ROBO1: variants seen among roughly 807,000 people sequenced by gnomAD.
The protein encoded by ROBO1 is roundabout homolog 1.
In ROBO1, 149 loss-of-function variants were observed where a neutral mutation model predicts 195.9. The ratio of observed to expected loss-of-function variants is 0.76; its 90% CI spans 0.67 to 0.87. ROBO1 has a LOEUF of 0.87. Among genes scored for constraint, ROBO1 ranks in the 40% least tolerant of loss-of-function variants. ROBO1 has a pLI of 0.00. For synonymous variants in ROBO1, 816 were observed against 733.2 expected, an observed-to-expected ratio of 1.11 and a Z score of -1.82; for missense variants, 1,933 against 2,068.3, an observed-to-expected ratio of 0.93 and a Z score of 1.27.
intron 8 of ROBO1, among the ~76,000 whole-genome samples, chr3:78,705,000 T>C (rs567172172): frequency 3.3e-5 from 5 of 152,358 alleles, no homozygotes; most frequent in Non-Finnish European, 7.3e-5. Flanking sequence ...TTAAATTATA[T>C]TGAAGTTATT....
At chr3:79,482,104 A>T (rs540814233) in intron 2 of ROBO1, among the ~76,000 whole-genome samples, 1 of 152,270 alleles carries the variant, frequency 6.6e-6, no homozygotes, top group East Asian at 1.9e-4. Context: ...CGTCTCGTGT[A>T]CTTTGTAAGG....
chr3:79,426,045 A>G (rs915758587), intron 2 of ROBO1, among the ~76,000 whole-genome samples: 13 of 152,182 alleles, frequency 8.5e-5, no homozygotes, highest in Admixed American at 3.3e-4. Context: ...GCATTTTTTT[A>G]GTATCCAGAA....
intron 4 of ROBO1, among the ~76,000 whole-genome samples, chr3:78,920,854 A>C (rs1479659741): frequency 1.3e-5 from 2 of 151,054 alleles, no homozygotes; most frequent in Non-Finnish European, 2.9e-5. Flanking sequence ...ATTTTACTTT[A>C]TTTTTGCAGA....
In ROBO1 at chr3:78,651,820, C is replaced by G; in HGVS notation, c.2724G>C (p.Trp908Cys). The change falls in exon 19 of 31, where the codon TGG (tryptophan) becomes TGC (cysteine). Residue 908 changes from tryptophan to cysteine, a missense_variant. By Grantham distance (215) the Trp-to-Cys change is radical (BLOSUM62 -2). Coordinates refer to ENST00000464233, the MANE Select transcript of ROBO1 (RefSeq NM_002941.4). ...AGATGCTGAAGACCATGAGGATGATCCAACAGGCTGCTCCAATACCTGCTA... is the reference window on the plus strand; with the variant it reads ...AGATGCTGAAGACCATGAGGATGATGCAACAGGCTGCTCCAATACCTGCTA... ...AFIAGIGAAC[W>C]IILMVFSIWL... is the part of the protein sequence containing the mutation. The G allele has an allele frequency of 1.2e-6, 2 of 1,613,788 alleles. No homozygotes were observed. The highest frequency in any genetic ancestry group is 1.7e-6 in the Non-Finnish European group (2 of 1,179,762).
intron 4 of ROBO1, among the ~76,000 whole-genome samples, chr3:78,852,491 T>TA (rs1209828690): frequency 6.6e-6 from 1 of 152,156 alleles, no homozygotes; most frequent in African/African-American, 2.4e-5. Flanking sequence ...AAAAATTATT[T>TA]AAAAAACTGT....
intron 2 of ROBO1, among the ~76,000 whole-genome samples, chr3:79,296,643 G>A (rs2032612135): frequency 6.6e-6 from 1 of 152,110 alleles, no homozygotes; most frequent in Admixed American, 6.6e-5. Flanking sequence ...AGGAATTTAA[G>A]GACACTAGTT....
intron 4 of ROBO1, among the ~76,000 whole-genome samples, chr3:78,824,115 T>C (rs539589347): frequency 6.6e-6 from 1 of 152,332 alleles, no homozygotes; most frequent in African/African-American, 2.4e-5. Context: ...CCTATAGCAG[T>C]GCCATACTGT....
At position 78,648,728 on chromosome 3, in the gene ROBO1, A is replaced by G. The variant is rs191736555; in HGVS notation, c.2813-1073T>C. On this transcript the variant is annotated intron_variant, in intron 19 of 30. Coordinates refer to ENST00000464233, the MANE Select transcript of ROBO1 (RefSeq NM_002941.4). ...AATATATGTTATTCCCTCTAAGATT[A>G]AAGTTTCTTTAAAATAATCTTTAGT... Among the ~76,000 whole-genome samples the G allele has an allele frequency of 2.6e-5, 4 of 152,220 alleles. No individual in the cohort carries two copies. The East Asian group carries it at 7.7e-4, about 29-fold the overall frequency.
intron 5 of ROBO1, among the ~76,000 whole-genome samples, chr3:78,738,463 C>T (rs994278884): frequency 6.6e-6 from 1 of 152,116 alleles, no homozygotes; most frequent in Admixed American, 6.6e-5. Flanking sequence ...TATGGATTTT[C>T]AAAACTTTAA....
chr3:78,989,123 G>A lies in ROBO1; in HGVS notation c.173-50196C>T, dbSNP rs561752633. ...GTAAGTTCTAGTGTTCTATACCACT[G>A]TGAAATGACTATAGCTAATGATAAT... is the stretch of plus-strand genomic sequence containing the variant. On this transcript the variant is annotated intron_variant, in intron 3 of 30. Transcript: ENST00000464233. 1.1e-4 allele frequency among the ~76,000 whole-genome samples: 17 copies of A among 152,244 alleles called. No homozygotes were observed. The South Asian group carries it at 3.5e-3, about 32-fold the overall frequency.
intron 3 of ROBO1, among the ~76,000 whole-genome samples, chr3:79,048,349 A>G (rs1694144133): frequency 2.0e-5 from 3 of 152,056 alleles, no homozygotes; most frequent in Admixed American, 1.3e-4. Context: ...TTCATTCTCA[A>G]TAATTGCAAT....
At chr3:79,575,779 C>A (rs1173204886) in intron 2 of ROBO1, among the ~76,000 whole-genome samples, 1 of 151,282 alleles carries the variant, frequency 6.6e-6, no homozygotes, top group Admixed American at 6.6e-5. Flanking sequence ...AGTCATCTTG[C>A]TAAACAATCT....
intron 4 of ROBO1, among the ~76,000 whole-genome samples, chr3:78,812,355 T>C (rs766357937): frequency 7.2e-5 from 11 of 152,282 alleles, no homozygotes; most frequent in Middle Eastern, 6.8e-3. Context: ...GTCCCAGCCA[T>C]GCTGGAGTCC....
Position 79,283,412 on chromosome 3 carries a change from G to A in ROBO1, c.89-157873C>T, listed in dbSNP as rs183694871. On this transcript the variant is annotated intron_variant, in intron 2 of 30. Coordinates refer to ENST00000464233, the MANE Select transcript of ROBO1 (RefSeq NM_002941.4). The stretch of plus-strand genomic sequence containing the variant: ...TTACAGAAATTCTATTTCCTTCAAT[G>A]GGTCTCAAGAATTTGTACTGTATCA... Among the ~76,000 whole-genome samples the A allele has an allele frequency of 3.3e-5, 5 of 152,240 alleles. No individual in the cohort carries two copies. In the East Asian group the frequency reaches 7.7e-4, roughly 24 times the overall value.
At chr3:79,428,419 A>T (rs925135172) in intron 2 of ROBO1, among the ~76,000 whole-genome samples, 1 of 152,180 alleles carries the variant, frequency 6.6e-6, no homozygotes, top group African/African-American at 2.4e-5. Context: ...TGCCTGTGAC[A>T]TGGGAGGTGC....
intron 2 of ROBO1, among the ~76,000 whole-genome samples, chr3:79,165,427 C>G (rs142598988): frequency 9.3e-4 from 142 of 152,294 alleles, no homozygotes; most frequent in African/African-American, 3.3e-3. Context: ...TAGGAATGTG[C>G]TGAGTGAACT....
In ROBO1 at chr3:78,643,429, A is replaced by G. The variant is rs535597113; in HGVS notation, c.2882+2719T>C. Among the ~76,000 whole-genome samples the G allele has an allele frequency of 2.0e-5, 3 of 152,316 alleles. No homozygotes were observed. In the South Asian group the frequency reaches 6.2e-4, roughly 32 times the overall value. ...GAGGTAATTCCACATTAGAGAGTTA[A>G]TGGAGGGCATAGTAGGTGGAATTCA... On this transcript the variant is annotated intron_variant, in intron 21 of 30. Transcript: ENST00000464233.
chr3:79,513,367 T>A (rs950361965), intron 2 of ROBO1, among the ~76,000 whole-genome samples: 1 of 152,074 alleles, frequency 6.6e-6, no homozygotes, highest in Admixed American at 6.6e-5. Context: ...AAAAATAATA[T>A]GCTCAACCAT....
At position 79,509,843 on chromosome 3, in the gene ROBO1, TCTG is replaced by T. The variant is rs764729098; in HGVS notation, c.88+79978_88+79980del. Among the ~76,000 whole-genome samples, 258 of 152,256 alleles carry T rather than the reference TCTG, an allele frequency of 1.7e-3. 1 individual carries two copies. Among genetic ancestry groups the T allele is most frequent in the Middle Eastern group, 0.014 (4 of 294 alleles). ...GAATATTGGATAATATTTTGATACT[TCTG>T]CTTCTTATTAATAATAAATTTTCTG... On this transcript the variant is annotated intron_variant, in intron 2 of 30. Coordinates refer to ENST00000464233, the MANE Select transcript of ROBO1 (RefSeq NM_002941.4).
Sources: gnomAD v4.1 joint callset for allele counts (sites outside exome capture counted in the v4.1 genomes callset) on GRCh38, gnomAD v4.1.1 for gene constraint, MANE v1.5 for transcripts, NCBI Gene and HGNC (gene_info 2026-07-23, HGNC 2026-07-21) for gene names.